Variants in COL23A1 observed in about 807,000 individuals in gnomAD.
COL23A1 encodes the protein collagen alpha-1(XXIII) chain.
Under a neutral mutation model 99.3 loss-of-function variants are expected in COL23A1, and 97 were observed. That is an observed-to-expected ratio of 0.98 (90% CI 0.83 to 1.16). The LOEUF is 1.16. Ranked by LOEUF, COL23A1 falls within the 50% of genes most tolerant of loss-of-function variation. The pLI is 0.00. For missense variants in COL23A1, 762 were observed against 757.4 expected (o/e 1.01, Z -0.07); for synonymous variants, 320 against 308.2 (o/e 1.04, Z -0.40).
Position 178,581,128 on chromosome 5 carries a change from C to T in COL23A1, c.294+8776G>A, listed in dbSNP as rs116506046. On this transcript the variant is annotated intron_variant, in intron 1 of 28. Coordinates refer to ENST00000390654, the MANE Select transcript of COL23A1 (RefSeq NM_173465.4). The stretch of plus-strand genomic sequence containing the variant: ...TTTGCTTTCGACAACAATGATAAAT[C>T]CAACTGAAATTAAAAATTCAACTAA... Among the ~76,000 whole-genome samples the T allele has an allele frequency of 9.6e-3, 1,456 of 152,304 alleles. 30 individuals are homozygous for T. The highest frequency in any genetic ancestry group is 0.033 in the African/African-American group (1,379 of 41,568).
intron 2 of COL23A1, among the ~76,000 whole-genome samples, chr5:178,327,509 T>C (rs1353943331): frequency 6.6e-6 from 1 of 152,134 alleles, no homozygotes. Flanking sequence ...CTGCCAGGAA[T>C]GGTCTTCTGG....
At chr5:178,304,585 G>A (rs1177271682) in intron 3 of COL23A1, among the ~76,000 whole-genome samples, 1 of 151,866 alleles carries the variant, frequency 6.6e-6, no homozygotes, top group Admixed American at 6.6e-5. Flanking sequence ...CTTATACAAG[G>A]GAAGGCATGA....
intron 3 of COL23A1, among the ~76,000 whole-genome samples, chr5:178,305,979 A>G (rs1758329918): frequency 6.6e-6 from 1 of 151,984 alleles, no homozygotes; most frequent in Non-Finnish European, 1.5e-5. Context: ...CGGCAGGGCA[A>G]CGTCCAACCT....
rs1037372692 is a variant in COL23A1 at position 178,583,788 on chromosome 5, C to G, written c.294+6116G>C. Among the ~76,000 whole-genome samples the G allele has an allele frequency of 2.0e-5, 3 of 152,178 alleles. No individual in the cohort carries two copies. The East Asian group carries it at 5.8e-4, about 29-fold the overall frequency. On this transcript the variant is annotated intron_variant, in intron 1 of 28. Transcript: ENST00000390654. ...AAGAGGAAGAAACAAAATCCAGGCA[C>G]CTTGAGCCGGGCCTACACAGACACT... is the stretch of plus-strand genomic sequence containing the variant.
At chr5:178,262,559 G>A (rs1338015828) in intron 9 of COL23A1, among the ~76,000 whole-genome samples, 1 of 152,118 alleles carries the variant, frequency 6.6e-6, no homozygotes, top group Non-Finnish European at 1.5e-5. Flanking sequence ...GTGGTGGCAT[G>A]GGCTCCACAA....
At chr5:178,424,062 T>G (rs899330789) in intron 2 of COL23A1, among the ~76,000 whole-genome samples, 20 of 152,190 alleles carry the variant, frequency 1.3e-4, no homozygotes, top group African/African-American at 4.1e-4. Flanking sequence ...GCCCTCTTCC[T>G]TCCTATCTAG....
intron 2 of COL23A1, among the ~76,000 whole-genome samples, chr5:178,329,463 A>G (rs1486852857): frequency 6.6e-6 from 1 of 152,116 alleles, no homozygotes; most frequent in Non-Finnish European, 1.5e-5. Flanking sequence ...ACAGACCCCA[A>G]AAAGCACCCA....
chr5:178,540,697 G>A (rs1761237982), intron 2 of COL23A1, among the ~76,000 whole-genome samples: 1 of 152,192 alleles, frequency 6.6e-6, no homozygotes, highest in Non-Finnish European at 1.5e-5. Context: ...TGACGTGGGA[G>A]GATGGCTTGA....
At chr5:178,292,911 A>C (rs1757539460) in intron 3 of COL23A1, among the ~76,000 whole-genome samples, 1 of 152,148 alleles carries the variant, frequency 6.6e-6, no homozygotes, top group Admixed American at 6.6e-5. Context: ...GTGTCTCAGG[A>C]GGGAGTGATC....
chr5:178,405,286 A>G (rs1335936105), intron 2 of COL23A1, among the ~76,000 whole-genome samples: 1 of 152,228 alleles, frequency 6.6e-6, no homozygotes, highest in Non-Finnish European at 1.5e-5. Flanking sequence ...CTTTTGCTTC[A>G]GCTAGTTTAA....
intron 2 of COL23A1, among the ~76,000 whole-genome samples, chr5:178,368,354 C>T (rs1274785898): frequency 6.6e-6 from 1 of 152,140 alleles, no homozygotes; most frequent in Non-Finnish European, 1.5e-5. Context: ...GTTCCCATAT[C>T]CCCTCAGCCC....
intron 2 of COL23A1, among the ~76,000 whole-genome samples, chr5:178,507,045 AG>A (rs1554186087): frequency 6.6e-6 from 1 of 152,236 alleles, no homozygotes; most frequent in Non-Finnish European, 1.5e-5. Flanking sequence ...CTTATAAAAC[AG>A]GGTACATTTC....
intron 2 of COL23A1, among the ~76,000 whole-genome samples, chr5:178,325,089 C>T (rs1230274298): frequency 1.3e-5 from 2 of 152,230 alleles, no homozygotes; most frequent in African/African-American, 2.4e-5. Flanking sequence ...CTCAAAGTCA[C>T]GCAGTCAGGA....
intron 2 of COL23A1, among the ~76,000 whole-genome samples, chr5:178,333,460 C>G (rs79789972): frequency 0.02 from 3,065 of 152,268 alleles, 39 homozygotes; most frequent in South Asian, 0.051. Flanking sequence ...CAGTTCTTAT[C>G]TCTGTCCCTT....
Position 178,270,318 on chromosome 5 carries a change from T to C in COL23A1, c.468+19A>G, listed in dbSNP as rs80353423. On this transcript the variant is annotated intron_variant, in intron 6 of 28. Coordinates refer to ENST00000390654, the MANE Select transcript of COL23A1 (RefSeq NM_173465.4). ...AGCCCCAGCCCAGGACCCCCTGGAA[T>C]TGCCCTGTCATCACTTACGGGCTTG... 7.9e-4 allele frequency: 1,273 copies of C among 1,613,808 alleles called. 12 individuals are homozygous for C. In the African/African-American group the frequency reaches 0.015, roughly 19 times the overall value.
At chr5:178,333,297 TG>T (rs1217197319) in intron 2 of COL23A1, among the ~76,000 whole-genome samples, 1 of 152,184 alleles carries the variant, frequency 6.6e-6, no homozygotes, top group Non-Finnish European at 1.5e-5. Flanking sequence ...AAAAAAGCCC[TG>T]GAAGGTCAGC....
chr5:178,312,250 G>T (rs1210444803), intron 2 of COL23A1, among the ~76,000 whole-genome samples: 2 of 152,200 alleles, frequency 1.3e-5, no homozygotes, highest in East Asian at 3.9e-4. Flanking sequence ...TGCAGAGGCT[G>T]AGCTCTTTGG....
At chr5:178,324,476 T>G (rs1759526337) in intron 2 of COL23A1, among the ~76,000 whole-genome samples, 1 of 152,268 alleles carries the variant, frequency 6.6e-6, no homozygotes, top group Non-Finnish European at 1.5e-5. Context: ...GGATTTCTAC[T>G]ACAATGACCA....
At chr5:178,343,941 G>A (rs988599148) in intron 2 of COL23A1, among the ~76,000 whole-genome samples, 6 of 152,096 alleles carry the variant, frequency 3.9e-5, no homozygotes, top group African/African-American at 9.7e-5. Flanking sequence ...GATTACAGGC[G>A]TGAGCCACCG....
Sources: allele counts gnomAD v4.1 joint callset (sites outside exome capture counted in the v4.1 genomes callset), GRCh38; gene constraint gnomAD v4.1.1; transcripts MANE v1.5; gene names NCBI Gene and HGNC (gene_info 2026-07-23, HGNC 2026-07-21).